The following CPA6 variants were observed in gnomAD, a reference collection of about 807,000 sequenced individuals.
CPA6 encodes carboxypeptidase A6, also known as carboxypeptidase B.
Under a neutral mutation model 63.3 loss-of-function variants are expected in CPA6, and 58 were observed. That is an observed-to-expected ratio of 0.92 (90% CI 0.74 to 1.14). The LOEUF (loss-of-function observed/expected upper bound fraction) is 1.14. Among genes scored for constraint, CPA6 ranks in the 50% most tolerant of loss-of-function variants. The pLI is 0.00. For synonymous variants in CPA6, 185 were observed against 179.0 expected (o/e 1.03, Z -0.27); for missense variants, 565 against 526.6 (o/e 1.07, Z -0.71).
At chr8:67,718,700 G>A (rs1293089435) in intron 1 of CPA6, among the ~76,000 whole-genome samples, 1 of 150,730 alleles carries the variant, frequency 6.6e-6, no homozygotes, top group Non-Finnish European at 1.5e-5. Context: ...AGGCTGGAGT[G>A]CAGTGGCGTG....
At chr8:67,486,109 C>G (rs1811471371) in intron 6 of CPA6, among the ~76,000 whole-genome samples, 1 of 152,116 alleles carries the variant, frequency 6.6e-6, no homozygotes, top group Admixed American at 6.5e-5. Flanking sequence ...GATTTTTCTT[C>G]CTGTATTGTC....
At chr8:67,617,236 G>A (rs1814978562) in intron 2 of CPA6, among the ~76,000 whole-genome samples, 1 of 152,070 alleles carries the variant, frequency 6.6e-6, no homozygotes, top group Non-Finnish European at 1.5e-5. Flanking sequence ...TGTTTCTAAT[G>A]TATTTCTTTC....
intron 2 of CPA6, among the ~76,000 whole-genome samples, chr8:67,577,124 G>C (rs1813647516): frequency 6.6e-6 from 1 of 152,102 alleles, no homozygotes; most frequent in African/African-American, 2.4e-5. Flanking sequence ...CAAAGTGCTA[G>C]GATTATAGGC....
At chr8:67,728,985 C>T (rs1817656215) in intron 1 of CPA6, among the ~76,000 whole-genome samples, 1 of 152,168 alleles carries the variant, frequency 6.6e-6, no homozygotes. Context: ...AAGCAAGGCC[C>T]AGAAAGATGA....
At chr8:67,464,200 A>G (rs1414527514) in intron 8 of CPA6, among the ~76,000 whole-genome samples, 2 of 152,200 alleles carry the variant, frequency 1.3e-5, no homozygotes, top group African/African-American at 2.4e-5. Context: ...ATTTTTTAAT[A>G]GCCATTTTGA....
chr8:67,695,367 T>C (rs1816894372), intron 1 of CPA6, among the ~76,000 whole-genome samples: 2 of 152,144 alleles, frequency 1.3e-5, no homozygotes, highest in Admixed American at 1.3e-4. Flanking sequence ...CATCATTCCC[T>C]AGGATGACCA....
At chr8:67,459,679 T>C (rs1810757360) in intron 8 of CPA6, among the ~76,000 whole-genome samples, 1 of 152,176 alleles carries the variant, frequency 6.6e-6, no homozygotes, top group South Asian at 2.1e-4. Context: ...TAAGATACTA[T>C]ATTGAGGGAT....
rs147653074 is a variant in CPA6 at position 67,511,138 on chromosome 8, G to T, written c.432+403C>A. On this transcript the variant is annotated intron_variant, in intron 4 of 10. Transcript: ENST00000297770. The stretch of plus-strand genomic sequence containing the variant: ...CCAAATGAAGCTTTGCCTTTGAGAG[G>T]TCTCAACTTTGCAGAGGGTACAAGT... Among the ~76,000 whole-genome samples the T allele has an allele frequency of 4.3e-3, 657 of 152,224 alleles. 3 individuals carry two copies. Among genetic ancestry groups the T allele is most frequent in the South Asian group, 0.012 (58 of 4,822 alleles).
intron 2 of CPA6, among the ~76,000 whole-genome samples, chr8:67,520,226 A>C (rs1477330177): frequency 1.3e-5 from 2 of 152,180 alleles, no homozygotes; most frequent in Non-Finnish European, 2.9e-5. Context: ...TCTGGAGATG[A>C]GTCTATAAGT....
chr8:67,444,963 G>A (rs1810379796), intron 8 of CPA6, among the ~76,000 whole-genome samples: 1 of 152,172 alleles, frequency 6.6e-6, no homozygotes, highest in Non-Finnish European at 1.5e-5. Context: ...TTCAAGGAGA[G>A]TGTGGTTAGC....
chr8:67,500,360 TC>T (rs1254820721), intron 6 of CPA6, among the ~76,000 whole-genome samples: 1 of 152,184 alleles, frequency 6.6e-6, no homozygotes, highest in Non-Finnish European at 1.5e-5. Flanking sequence ...TCTCTTCATG[TC>T]TTTTGCCCAT....
At chr8:67,531,054 T>A (rs1812467804) in intron 2 of CPA6, among the ~76,000 whole-genome samples, 1 of 152,156 alleles carries the variant, frequency 6.6e-6, no homozygotes, top group Non-Finnish European at 1.5e-5. Context: ...CAGATACTAG[T>A]TTTATGGTAT....
At chr8:67,691,206 A>G (rs1816806921) in intron 1 of CPA6, among the ~76,000 whole-genome samples, 1 of 152,218 alleles carries the variant, frequency 6.6e-6, no homozygotes, top group Non-Finnish European at 1.5e-5. Flanking sequence ...GACTTCATAC[A>G]TCTGTTCAAG....
chr8:67,589,569 A>C (rs1814048632), intron 2 of CPA6, among the ~76,000 whole-genome samples: 1 of 152,204 alleles, frequency 6.6e-6, no homozygotes, highest in African/African-American at 2.4e-5. Flanking sequence ...GAGCTCCTTC[A>C]GAAGTTATAG....
At chr8:67,715,222 A>C (rs1817352982) in intron 1 of CPA6, among the ~76,000 whole-genome samples, 1 of 152,176 alleles carries the variant, frequency 6.6e-6, no homozygotes, top group African/African-American at 2.4e-5. Context: ...GGGCTCAGCC[A>C]GCCTCACAAG....
At chr8:67,743,423 C>T (rs1004374893) in intron 1 of CPA6, among the ~76,000 whole-genome samples, 2 of 152,006 alleles carry the variant, frequency 1.3e-5, no homozygotes, top group South Asian at 2.1e-4. Flanking sequence ...ATAAGCACAT[C>T]GTAGAGAATG....
chr8:67,601,709 T>C (rs1039246430), intron 2 of CPA6, among the ~76,000 whole-genome samples: 1 of 152,220 alleles, frequency 6.6e-6, no homozygotes, highest in African/African-American at 2.4e-5. Flanking sequence ...GTCTCTGAGT[T>C]AAATAGCTTG....
chr8:67,536,054 A>G (rs201200480), intron 2 of CPA6, among the ~76,000 whole-genome samples: 15 of 152,062 alleles, frequency 9.9e-5, no homozygotes, highest in East Asian at 7.8e-4. Flanking sequence ...GTACTGTTCC[A>G]TTGGTCTATA....
intron 2 of CPA6, among the ~76,000 whole-genome samples, chr8:67,574,911 T>C (rs1435985871): frequency 6.6e-6 from 1 of 151,932 alleles, no homozygotes; most frequent in Non-Finnish European, 1.5e-5. Flanking sequence ...AATAAAAACT[T>C]CTGTACAACA....
Sources: gnomAD v4.1 joint callset for allele counts (sites outside exome capture counted in the v4.1 genomes callset) on GRCh38, gnomAD v4.1.1 for gene constraint, MANE v1.5 for transcripts, NCBI Gene and HGNC (gene_info 2026-07-23, HGNC 2026-07-21) for gene names.